The following CNTN4 variants were observed in gnomAD, a reference collection of about 807,000 sequenced individuals.
CNTN4 encodes the protein contactin 4.
CNTN4 carries 77 observed loss-of-function variants against 122.5 expected under a neutral mutation model. The ratio of observed to expected loss-of-function variants is 0.63; its 90% CI spans 0.52 to 0.76. The LOEUF (loss-of-function observed/expected upper bound fraction) is 0.76, where lower values mean the gene tolerates loss of function less well. CNTN4 is among the 30% of genes least tolerant of loss of function. CNTN4 has a pLI of 0.00. For missense variants in CNTN4, 1,256 were observed against 1,259.1 expected (o/e 1.00, Z 0.04); for synonymous variants, 512 against 447.0 (o/e 1.15, Z -1.83).
At chr3:2,732,056 A>G (rs1448625803) in intron 4 of CNTN4, among the ~76,000 whole-genome samples, 1 of 152,184 alleles carries the variant, frequency 6.6e-6, no homozygotes, top group Admixed American at 6.5e-5. Flanking sequence ...TTCCCTCTCA[A>G]CTATTAGTCC....
At chr3:3,026,940 G>A (rs1477328387) in intron 15 of CNTN4, among the ~76,000 whole-genome samples, 3 of 151,938 alleles carry the variant, frequency 2.0e-5, no homozygotes, top group Non-Finnish European at 2.9e-5. Flanking sequence ...CTGCTCTAAC[G>A]CACCTCTGTG....
chr3:2,942,411 T>C (rs1036472625), intron 13 of CNTN4, among the ~76,000 whole-genome samples: 2 of 152,222 alleles, frequency 1.3e-5, no homozygotes, highest in African/African-American at 4.8e-5. Flanking sequence ...GTTATAATTA[T>C]CGTGTTTATA....
intron 7 of CNTN4, among the ~76,000 whole-genome samples, chr3:2,830,763 A>AT (rs925288868): frequency 6.6e-6 from 1 of 152,104 alleles, no homozygotes; most frequent in Non-Finnish European, 1.5e-5. Context: ...TGTGAATCTC[A>AT]TTTTTTCAGC....
chr3:2,129,397 T>C (rs2034341802), intron 2 of CNTN4, among the ~76,000 whole-genome samples: 1 of 144,712 alleles, frequency 6.9e-6, no homozygotes, highest in African/African-American at 2.5e-5. Flanking sequence ...TAGTTTTGCA[T>C]GGTGCAGGGA....
intron 4 of CNTN4, among the ~76,000 whole-genome samples, chr3:2,619,185 C>T (rs1405123680): frequency 6.6e-6 from 1 of 152,158 alleles, no homozygotes; most frequent in African/African-American, 2.4e-5. Context: ...GTCTCAGAAG[C>T]ACATACTAAA....
chr3:2,223,110 G>A (rs1256865000), intron 2 of CNTN4, among the ~76,000 whole-genome samples: 1 of 152,150 alleles, frequency 6.6e-6, no homozygotes, highest in East Asian at 1.9e-4. Context: ...CTTGTTTTCT[G>A]TGTTAGGGTT....
intron 2 of CNTN4, among the ~76,000 whole-genome samples, chr3:2,220,957 A>G (rs1323718263): frequency 1.3e-5 from 2 of 152,130 alleles, no homozygotes; most frequent in Non-Finnish European, 2.9e-5. Context: ...TGAAAGGACA[A>G]TCTTGATGCA....
intron 4 of CNTN4, among the ~76,000 whole-genome samples, chr3:2,635,100 G>A (rs990887372): frequency 2.1e-4 from 32 of 151,958 alleles, no homozygotes; most frequent in Admixed American, 7.2e-4. Flanking sequence ...TTTCTAGTGA[G>A]CGATGTTGCT....
chr3:2,623,011 C>T (rs920260353), intron 4 of CNTN4, among the ~76,000 whole-genome samples: 26 of 152,326 alleles, frequency 1.7e-4, no homozygotes, highest in African/African-American at 6.0e-4. Flanking sequence ...CTATCAAGGA[C>T]TTACCTGAAA....
At chr3:2,341,977 C>T (rs969417330) in intron 3 of CNTN4, among the ~76,000 whole-genome samples, 3 of 152,086 alleles carry the variant, frequency 2.0e-5, no homozygotes, top group Admixed American at 6.5e-5. Context: ...GTTTAATATC[C>T]TTAGCTACCC....
intron 2 of CNTN4, among the ~76,000 whole-genome samples, chr3:2,175,683 G>C (rs1354276913): frequency 2.6e-5 from 4 of 152,134 alleles, no homozygotes; most frequent in Non-Finnish European, 4.4e-5. Context: ...TAATGAACCA[G>C]AGGTGGGTCC....
intron 15 of CNTN4, among the ~76,000 whole-genome samples, chr3:3,030,605 T>C (rs977517224): frequency 2.0e-5 from 3 of 152,178 alleles, no homozygotes; most frequent in Admixed American, 2.0e-4. Flanking sequence ...CCTTCCGACA[T>C]GGGTGCCAAA....
intron 12 of CNTN4, among the ~76,000 whole-genome samples, chr3:2,917,201 T>C (rs914409482): frequency 3.3e-5 from 5 of 151,124 alleles, no homozygotes; most frequent in African/African-American, 9.8e-5. Flanking sequence ...GTCGGCAGGC[T>C]GAGGCAGGAG....
At chr3:2,171,799 C>G (rs921110166) in intron 2 of CNTN4, among the ~76,000 whole-genome samples, 2 of 152,142 alleles carry the variant, frequency 1.3e-5, no homozygotes, top group African/African-American at 4.8e-5. Context: ...GAGTTACTTA[C>G]TGAATAGTAT....
At chr3:2,440,900 T>A (rs2048416137) in intron 3 of CNTN4, among the ~76,000 whole-genome samples, 1 of 148,162 alleles carries the variant, frequency 6.7e-6, no homozygotes, top group East Asian at 2.0e-4. Flanking sequence ...TATACATGTA[T>A]ATAACAAAAA....
At chr3:2,847,709 T>G (rs1429260076) in intron 7 of CNTN4, among the ~76,000 whole-genome samples, 1 of 152,208 alleles carries the variant, frequency 6.6e-6, no homozygotes, top group African/African-American at 2.4e-5. Context: ...TGAATGCTCG[T>G]GCTCAGAGCT....
intron 9 of CNTN4, among the ~76,000 whole-genome samples, chr3:2,884,986 C>T (rs560974728): frequency 3.3e-5 from 5 of 152,120 alleles, no homozygotes; most frequent in Non-Finnish European, 7.3e-5. Flanking sequence ...CATATCTCAT[C>T]AGTATAAAGA....
chr3:2,869,402 T>C (rs1162642693), intron 8 of CNTN4, among the ~76,000 whole-genome samples: 2 of 152,148 alleles, frequency 1.3e-5, no homozygotes, highest in African/African-American at 2.4e-5. Context: ...GAGAACCTGA[T>C]CATTCCTTAA....
At chr3:2,506,426 A>G (rs1481371878) in intron 3 of CNTN4, among the ~76,000 whole-genome samples, 1 of 152,226 alleles carries the variant, frequency 6.6e-6, no homozygotes, top group African/African-American at 2.4e-5. Context: ...AGCCAGACAG[A>G]ATGATGTAGG....
Sources: allele counts gnomAD v4.1 joint callset (sites outside exome capture counted in the v4.1 genomes callset), GRCh38; gene constraint gnomAD v4.1.1; transcripts MANE v1.5; gene names NCBI Gene and HGNC (gene_info 2026-07-23, HGNC 2026-07-21).